The following OIP5 variants were observed in gnomAD, a reference collection of about 807,000 sequenced individuals.
The protein encoded by OIP5 is protein Mis18-beta.
Under a neutral mutation model 20.3 loss-of-function variants are expected in OIP5, and 24 were observed. The observed-to-expected ratio is 1.18, with a 90% CI of 0.86 to 1.66. The LOEUF (loss-of-function observed/expected upper bound fraction) is 1.66. Among genes scored for constraint, OIP5 ranks in the 40% most tolerant of loss-of-function variants. The pLI, the probability that OIP5 is intolerant of heterozygous loss-of-function variation, is 0.00. For missense variants in OIP5, 339 were observed against 289.5 expected (o/e 1.17, Z -1.24); for synonymous variants, 143 against 121.3 (o/e 1.18, Z -1.17).
In OIP5 at chr15:41,332,538, A is replaced by G; in HGVS notation, c.24T>C (p.His8=). Residue 8 remains histidine (H), a synonymous_variant, in exon 1 of 5, where the codon CAT becomes CAC. Transcript: ENST00000220514. Reference sequence around the variant, plus strand: ...GGGGCGGCGTTGCACAACGTGAGCGATGCCGCAGCGGCTGAGCCGCCATCT... The same window carrying G: ...GGGGCGGCGTTGCACAACGTGAGCGGTGCCGCAGCGGCTGAGCCGCCATCT... The part of the protein sequence containing the change: MAAQPLR[H]RSRCATPPRG... 3 of 1,609,058 alleles carry G rather than the reference A, an allele frequency of 1.9e-6. No individual in the cohort carries two copies. The highest frequency in any genetic ancestry group is 1.1e-5 in the South Asian group (1 of 90,738).
At chr15:41,315,870 C>T (rs910929528) in intron 3 of OIP5, among the ~76,000 whole-genome samples, 3 of 152,192 alleles carry the variant, frequency 2.0e-5, no homozygotes, top group South Asian at 2.1e-4. Flanking sequence ...AAATTGGTGG[C>T]GCAGTGGCTC....
intron 4 of OIP5, among the ~76,000 whole-genome samples, chr15:41,311,673 T>C (rs1305305613): frequency 1.3e-5 from 2 of 152,120 alleles, no homozygotes; most frequent in East Asian, 1.9e-4. Flanking sequence ...GTCCAAGCGA[T>C]TCTCCTGCTT....
intron 2 of OIP5, among the ~76,000 whole-genome samples, chr15:41,325,835 G>A (rs2047858381): frequency 7.9e-6 from 1 of 126,150 alleles, no homozygotes; most frequent in South Asian, 2.5e-4. Context: ...GGGCAACAGA[G>A]CAAGACTCCG....
intron 2 of OIP5, among the ~76,000 whole-genome samples, chr15:41,321,169 G>A (rs1020742931): frequency 0.011 from 1,699 of 149,946 alleles, 45 homozygotes; most frequent in African/African-American, 0.04. Context: ...TCAGCCCCCC[G>A]CCCAGCCAGC....
intron 3 of OIP5, among the ~76,000 whole-genome samples, chr15:41,314,635 C>CTT (rs113408274): frequency 2.9e-5 from 4 of 140,138 alleles, no homozygotes; most frequent in Non-Finnish European, 4.7e-5. Flanking sequence ...AACTCCATCT[C>CTT]TTTTTTTTTT....
At chr15:41,331,085 G>A (rs892683486) in intron 2 of OIP5, among the ~76,000 whole-genome samples, 2 of 152,146 alleles carry the variant, frequency 1.3e-5, no homozygotes, top group African/African-American at 4.8e-5. Context: ...CTGGTTACTG[G>A]ACAAAGCAAC....
At chr15:41,324,085 C>G (rs2047846891) in intron 2 of OIP5, among the ~76,000 whole-genome samples, 1 of 147,850 alleles carries the variant, frequency 6.8e-6, no homozygotes, top group African/African-American at 2.5e-5. Context: ...CTCGACCTCT[C>G]TGGGCTCAAG....
intron 4 of OIP5, among the ~76,000 whole-genome samples, chr15:41,312,724 G>C (rs889971470): frequency 2.7e-5 from 4 of 150,038 alleles, no homozygotes; most frequent in African/African-American, 9.9e-5. Flanking sequence ...CCACCTCCCA[G>C]TTCAAGCAAT....
At chr15:41,330,497 G>A (rs1279448284) in intron 2 of OIP5, among the ~76,000 whole-genome samples, 8 of 149,646 alleles carry the variant, frequency 5.3e-5, no homozygotes, top group Non-Finnish European at 1.2e-4. Flanking sequence ...TCCGCCTCCC[G>A]GGTTCACGCC....
chr15:41,331,645 A>C (rs1209508464), intron 2 of OIP5, among the ~76,000 whole-genome samples: 1 of 152,214 alleles, frequency 6.6e-6, no homozygotes, highest in Non-Finnish European at 1.5e-5. Flanking sequence ...GTAAACCAAA[A>C]GGTTATTTTT....
intron 2 of OIP5, among the ~76,000 whole-genome samples, chr15:41,331,392 A>T (rs1407400063): frequency 6.6e-6 from 1 of 152,172 alleles, no homozygotes; most frequent in Non-Finnish European, 1.5e-5. Flanking sequence ...TTCTAATATC[A>T]AGCGTGGGCA....
rs769269576 is a variant in OIP5, at chr15:41,319,607, AAAAT to A, written c.512+47_512+50del. ...AAATTTATTTGATGGACTTTGTCTC[AAAAT>A]AAATAAAATAAAATGTATTTGATGA... On this transcript the variant is annotated intron_variant, in intron 3 of 4. Transcript: ENST00000220514. 82 of 1,543,238 alleles carry A rather than the reference AAAAT, an allele frequency of 5.3e-5. No individual in the cohort carries two copies. In the African/African-American group the frequency reaches 1.1e-3, roughly 20 times the overall value.
rs2047811764 is a variant in OIP5 at position 41,319,785 on chromosome 15, G to C, written c.390-5C>G. ...CAGAATAAAAGGTTGTAAGTACTAG[G>C]GGTGGGGAAAAACACAATATGGGTA... On this transcript the variant is annotated splice_region_variant and splice_polypyrimidine_tract_variant and intron_variant, in intron 2 of 4. Coordinates refer to ENST00000220514, the MANE Select transcript of OIP5 (RefSeq NM_007280.2). 6.2e-7 allele frequency: 1 copy of C among 1,600,588 alleles called. No homozygotes were observed. Among genetic ancestry groups the C allele is most frequent in the African/African-American group, 1.3e-5 (1 of 74,084 alleles).
intron 2 of OIP5, among the ~76,000 whole-genome samples, chr15:41,320,848 T>A (rs1264506117): frequency 7.2e-6 from 1 of 138,184 alleles, no homozygotes. Context: ...GAGCGCCTCT[T>A]CCCGGCCGCC....
At position 41,331,954 on chromosome 15, in the gene OIP5, G is replaced by A; in HGVS notation, c.350C>T (p.Ala117Val). 6.2e-7 allele frequency: 1 copy of A among 1,613,962 alleles called. No individual in the cohort carries two copies. Among genetic ancestry groups the A allele is most frequent in the Non-Finnish European group, 8.5e-7 (1 of 1,180,002 alleles). Residue 117 changes from alanine (A) to valine (V), a missense_variant, in exon 2 of 5, where the codon GCG becomes GTG. Transcript: ENST00000220514. ...ACCTTCAATGCCAACTAGGAAGGGC[G>A]CTTCCAAAACGACGTTATTTGTAAC... ...SRVTNNVVLE[A>V]PFLVGIEGSL...
intron 4 of OIP5, among the ~76,000 whole-genome samples, chr15:41,312,655 A>T (rs1217989435): frequency 7.2e-6 from 1 of 139,250 alleles, no homozygotes; most frequent in South Asian, 2.2e-4. Flanking sequence ...TTTGAGACAG[A>T]GTCTTGCTCT....
Position 41,322,388 on chromosome 15 carries a change from T to C in OIP5, c.390-2608A>G, listed in dbSNP as rs557388408. Reference sequence around the variant, plus strand: ...AGGAAAAATAAATTGTATTAATATATAGTATGAAGTTTTTTTTGGTTTTTT... The same window carrying C: ...AGGAAAAATAAATTGTATTAATATACAGTATGAAGTTTTTTTTGGTTTTTT... On this transcript the variant is annotated intron_variant, in intron 2 of 4. Coordinates refer to ENST00000220514, the MANE Select transcript of OIP5 (RefSeq NM_007280.2). Among the ~76,000 whole-genome samples, 4 of 152,308 alleles carry C rather than the reference T, an allele frequency of 2.6e-5. No individual in the cohort carries two copies. The South Asian group carries it at 8.3e-4, about 32-fold the overall frequency.
chr15:41,332,545 A>C lies in OIP5; in HGVS notation c.17T>G (p.Leu6Arg). 6.2e-6 allele frequency: 10 copies of C among 1,604,916 alleles called. No individual in the cohort carries two copies. The highest frequency in any genetic ancestry group is 7.7e-6 in the Non-Finnish European group (9 of 1,176,162). The change falls in exon 1 of 5, where the codon CTG becomes CGG. Residue 6 changes from leucine (L) to arginine (R), a missense_variant. Coordinates refer to ENST00000220514, the MANE Select transcript of OIP5 (RefSeq NM_007280.2). ...CGTTGCACAACGTGAGCGATGCCGC[A>C]GCGGCTGAGCCGCCATCTTCCCGCA... Reference protein sequence around the residue: MAAQPLRHRSRCATPP... With the variant: MAAQPRRHRSRCATPP...
intron 2 of OIP5, among the ~76,000 whole-genome samples, chr15:41,324,307 T>A (rs1287788591): frequency 2.0e-5 from 3 of 152,008 alleles, no homozygotes; most frequent in Non-Finnish European, 4.4e-5. Flanking sequence ...CATTTGATAC[T>A]CTAAACTTCT....
Sources: gnomAD v4.1 joint callset for allele counts (sites outside exome capture counted in the v4.1 genomes callset) on GRCh38, gnomAD v4.1.1 for gene constraint, MANE v1.5 for transcripts, NCBI Gene and HGNC (gene_info 2026-07-23, HGNC 2026-07-21) for gene names.